The following INSYN2A variants were observed in gnomAD, a reference collection of about 807,000 sequenced individuals.
INSYN2A encodes family with sequence similarity 196 member A.
Under a neutral mutation model 39.4 loss-of-function variants are expected in INSYN2A, and 17 were observed. That is an observed-to-expected ratio of 0.43 (90% CI 0.30 to 0.65). The LOEUF (loss-of-function observed/expected upper bound fraction) is 0.65, where lower values mean the gene tolerates loss of function less well. INSYN2A is among the 30% of genes least tolerant of loss of function. The pLI, the probability that INSYN2A is intolerant of heterozygous loss-of-function variation, is 0.14. For synonymous variants in INSYN2A, 255 were observed against 265.7 expected (o/e 0.96, Z 0.39); for missense variants, 595 against 631.2 (o/e 0.94, Z 0.61).
rs781441685 is a variant in INSYN2A at position 127,137,891 on chromosome 10, T to C, written c.1386A>G (p.Gln462=). 6.2e-7 allele frequency: 1 copy of C among 1,614,154 alleles called. No homozygotes were observed. ...SQETYSSTPK[Q]KSKTESKKHG... ...GCTTTTTAGATTCAGTTTTGGATTT[T>C]TGCTTGGGAGTTGAGGAGTAAGTCT... Residue 462 remains glutamine, a synonymous_variant, in exon 6 of 6, where the codon CAA becomes CAG. Coordinates refer to ENST00000522781, the MANE Select transcript of INSYN2A (RefSeq NM_001039762.3).
intron 2 of INSYN2A, among the ~76,000 whole-genome samples, chr10:127,191,193 T>G (rs563262449): frequency 6.6e-5 from 10 of 152,264 alleles, no homozygotes; most frequent in African/African-American, 2.4e-4. Context: ...AGCCGGGGCA[T>G]CACTCTCTGC....
intron 5 of INSYN2A, among the ~76,000 whole-genome samples, chr10:127,139,983 C>CTG: frequency 6.6e-6 from 1 of 152,254 alleles, no homozygotes; most frequent in Non-Finnish European, 1.5e-5. Flanking sequence ...AAACAAGAGC[C>CTG]TGTCAATCGA....
chr10:127,185,828 T>C (rs2056179297), intron 2 of INSYN2A, among the ~76,000 whole-genome samples: 1 of 152,068 alleles, frequency 6.6e-6, no homozygotes, highest in Non-Finnish European at 1.5e-5. Context: ...GCACACACAC[T>C]CACAAAAATG....
chr10:127,181,157 C>G (rs1002044472), intron 2 of INSYN2A, among the ~76,000 whole-genome samples: 2 of 152,092 alleles, frequency 1.3e-5, no homozygotes, highest in African/African-American at 4.8e-5. Flanking sequence ...AAATGAATTT[C>G]AAGTGTGTAT....
intron 4 of INSYN2A, among the ~76,000 whole-genome samples, chr10:127,162,419 A>T (rs2053664807): frequency 6.6e-6 from 1 of 152,228 alleles, no homozygotes; most frequent in South Asian, 2.1e-4. Context: ...CATATAGATT[A>T]AAGGATTTTG....
chr10:127,139,447 A>G (rs552354905), intron 5 of INSYN2A, among the ~76,000 whole-genome samples: 2 of 152,200 alleles, frequency 1.3e-5, no homozygotes, highest in South Asian at 2.1e-4. Flanking sequence ...TGCTCCCAAA[A>G]CAAGTTATCC....
intron 2 of INSYN2A, among the ~76,000 whole-genome samples, chr10:127,190,461 A>C (rs967096445): frequency 6.6e-6 from 1 of 152,178 alleles, no homozygotes; most frequent in Admixed American, 6.5e-5. Flanking sequence ...TAGCCTCATT[A>C]AATATTTATT....
intron 2 of INSYN2A, among the ~76,000 whole-genome samples, chr10:127,184,490 G>A (rs577107414): frequency 7.5e-3 from 299 of 39,766 alleles, no homozygotes; most frequent in Middle Eastern, 0.018. Context: ...CCCCACCCCC[G>A]TCCCCCATCC....
intron 2 of INSYN2A, among the ~76,000 whole-genome samples, chr10:127,190,875 A>G (rs1477013177): frequency 6.6e-6 from 1 of 151,698 alleles, no homozygotes; most frequent in Non-Finnish European, 1.5e-5. Flanking sequence ...CATCTGTGAC[A>G]CCTTCTCAAC....
rs1014773037 is a variant in INSYN2A, at chr10:127,137,518, C to T, written c.*319G>A. ...TGTACAGGGTGACAGCCTGCCATCT[C>T]GCAGGTTGATAATGTATTACTTGCA... On this transcript the variant is annotated 3_prime_UTR_variant, in exon 6 of 6. Transcript: ENST00000522781. 8.1e-6 allele frequency: 2 copies of T among 247,128 alleles called. No homozygotes were observed. 15.3% of individuals were successfully genotyped at this position (247,128 alleles called of 1,614,324 possible).
chr10:127,142,668 G>T (rs753798840), intron 5 of INSYN2A, among the ~76,000 whole-genome samples: 4 of 152,166 alleles, frequency 2.6e-5, no homozygotes, highest in Non-Finnish European at 5.9e-5. Flanking sequence ...AATTCCTGGG[G>T]ACTGTAGGGA....
chr10:127,138,824 G>A (rs1429831462), intron 5 of INSYN2A, among the ~76,000 whole-genome samples: 2 of 152,208 alleles, frequency 1.3e-5, no homozygotes, highest in African/African-American at 4.8e-5. Flanking sequence ...ATTTCTTACA[G>A]CATTTCTCCG....
intron 2 of INSYN2A, among the ~76,000 whole-genome samples, chr10:127,188,780 A>G (rs1374652492): frequency 6.6e-6 from 1 of 152,242 alleles, no homozygotes. Flanking sequence ...CAAGCTAGGT[A>G]CCGTTCTGTG....
At chr10:127,149,151 C>T (rs991473438) in intron 5 of INSYN2A, among the ~76,000 whole-genome samples, 33 of 152,116 alleles carry the variant, frequency 2.2e-4, no homozygotes, top group African/African-American at 7.7e-4. Flanking sequence ...TAGTTACATC[C>T]CTTGCATAAT....
In INSYN2A at chr10:127,175,539, T is replaced by C; in HGVS notation, c.857A>G (p.Asp286Gly). Reference sequence around the variant, plus strand: ...GAGATGTGTGGCTCTCCTCCGCTCGTCATCTGCCGGGCAGAGTGACCACTG... The same window carrying C: ...GAGATGTGTGGCTCTCCTCCGCTCGCCATCTGCCGGGCAGAGTGACCACTG... ...ASQWSLCPAD[D>G]ERRRATHLNG... Residue 286 changes from aspartate to glycine, a missense_variant, in exon 4 of 6, where the codon GAC becomes GGC. This residue lies in a region of INSYN2A where 478 missense variants were observed against 467.4 expected (regional missense o/e 1.02). Coordinates refer to ENST00000522781, the MANE Select transcript of INSYN2A (RefSeq NM_001039762.3). This position sits in a 1 kb window ranked among gnomAD's most constrained non-coding sequence, Gnocchi z 6.3. 6.2e-7 allele frequency: 1 copy of C among 1,610,818 alleles called. No individual in the cohort carries two copies. Among genetic ancestry groups the C allele is most frequent in the Non-Finnish European group, 8.5e-7 (1 of 1,180,000 alleles).
chr10:127,195,831 C>T (rs1589888512), intron 1 of INSYN2A, among the ~76,000 whole-genome samples, 166 bp downstream of exon 1: 2 of 152,286 alleles, frequency 1.3e-5, no homozygotes, highest in South Asian at 2.1e-4. Flanking sequence ...CCCGGCTGCA[C>T]CGGGGTGTCC....
chr10:127,189,025 G>T (rs2056526749), intron 2 of INSYN2A, among the ~76,000 whole-genome samples: 1 of 152,132 alleles, frequency 6.6e-6, no homozygotes, highest in Admixed American at 6.5e-5. Flanking sequence ...CGGCTCCTAG[G>T]AAGCGCTCAG....
At chr10:127,152,341 T>C (rs907193284) in intron 5 of INSYN2A, among the ~76,000 whole-genome samples, 1 of 152,240 alleles carries the variant, frequency 6.6e-6, no homozygotes, top group African/African-American at 2.4e-5. Flanking sequence ...TCTGTTGCTA[T>C]CATTGAGTTT....
In INSYN2A at chr10:127,175,155, T is replaced by A; in HGVS notation, c.1184+57A>T. 1.4e-6 allele frequency: 2 copies of A among 1,423,398 alleles called. No individual in the cohort carries two copies. The highest frequency in any genetic ancestry group is 1.9e-6 in the Non-Finnish European group (2 of 1,031,822). The allele number at this position is 1,423,398 out of a possible 1,614,324, so 88.2% of individuals were successfully genotyped here. A position where few individuals can be genotyped will look rare whatever the true frequency, so the allele number is the denominator to read the frequency against. ...ACAGACTTGGGTTTGGGGCTACAGA[T>A]GGACTCTGTGGTGATCAGCCTGCAT... is the stretch of plus-strand genomic sequence containing the variant. On this transcript the variant is annotated intron_variant, in intron 4 of 5. Transcript: ENST00000522781. The surrounding 1 kb of genome is among the most constrained non-coding windows in gnomAD (Gnocchi z 6.3).
Sources: allele counts gnomAD v4.1 joint callset (sites outside exome capture counted in the v4.1 genomes callset), GRCh38; gene constraint gnomAD v4.1.1; regional missense constraint gnomAD v4.1.1; non-coding constraint Gnocchi (gnomAD v3.1); transcripts MANE v1.5; gene names NCBI Gene and HGNC (gene_info 2026-07-23, HGNC 2026-07-21).